USH2A: variants seen among roughly 807,000 people sequenced by gnomAD.
USH2A encodes the protein Usher syndrome 2A (autosomal recessive, mild).
USH2A carries 443 observed loss-of-function variants against 538.9 expected under a neutral mutation model. The ratio of observed to expected loss-of-function variants is 0.82; its 90% CI spans 0.76 to 0.89. The LOEUF (loss-of-function observed/expected upper bound fraction) is 0.89. Among genes scored for constraint, USH2A ranks in the 40% least tolerant of loss-of-function variants. The probability of loss-of-function intolerance (pLI) is 0.00; values close to 1 mark genes in which losing one functional copy is unlikely to be tolerated. For missense variants in USH2A, 6,633 were observed against 6,324.8 expected, an observed-to-expected ratio of 1.05 and a Z score of -1.65; for synonymous variants, 2,413 against 2,273.5, an observed-to-expected ratio of 1.06 and a Z score of -1.75.
intron 61 of USH2A, among the ~76,000 whole-genome samples, chr1:215,716,882 G>A (rs1191859009): frequency 6.6e-6 from 1 of 152,128 alleles, no homozygotes; most frequent in Non-Finnish European, 1.5e-5. Context: ...GTCAGATTTT[G>A]TTACTCTTTG....
At chr1:216,331,906 T>C (rs1454370896) in intron 4 of USH2A, among the ~76,000 whole-genome samples, 1 of 152,124 alleles carries the variant, frequency 6.6e-6, no homozygotes, top group Non-Finnish European at 1.5e-5. Context: ...ATGGGAACAC[T>C]GGCAAAGAAT....
At chr1:215,935,276 A>T in intron 37 of USH2A, among the ~76,000 whole-genome samples, 1 of 151,944 alleles carries the variant, frequency 6.6e-6, no homozygotes. Flanking sequence ...TATTTGTCAG[A>T]TATTGTATAT....
At chr1:215,640,146 G>A (rs1571923269) in intron 68 of USH2A, among the ~76,000 whole-genome samples, 1 of 152,166 alleles carries the variant, frequency 6.6e-6, no homozygotes, top group Non-Finnish European at 1.5e-5. Flanking sequence ...CTCATGAGTT[G>A]GAGATAGTTA....
chr1:215,743,412 G>GTCTATA, intron 58 of USH2A, 77 bp from the exon 59 acceptor site: 2 of 433,596 alleles, frequency 4.6e-6, no homozygotes, highest in African/African-American at 2.7e-5. Context: ...GTGTGTGTGT[G>GTCTATA]TGTGTATATA....
chr1:215,881,302 G>A (rs960043223), intron 41 of USH2A, among the ~76,000 whole-genome samples: 12 of 152,006 alleles, frequency 7.9e-5, no homozygotes, highest in East Asian at 1.9e-4. Flanking sequence ...TACCACACCC[G>A]GCTAATTTTT....
intron 21 of USH2A, among the ~76,000 whole-genome samples, chr1:216,102,477 C>T (rs1374311876): frequency 6.6e-6 from 1 of 151,838 alleles, no homozygotes; most frequent in Non-Finnish European, 1.5e-5. Context: ...AGCGTACAAC[C>T]TCTTTTAAAA....
chr1:215,813,733 C>T lies in USH2A; in HGVS notation c.9739+3G>A. On this transcript the variant is annotated splice_donor_region_variant and intron_variant, in intron 49 of 71. Transcript: ENST00000307340. Reference sequence around the variant, plus strand: ...TTTGAGTACACCTGGAAATAACCCTCACCTGGTAGAATTCTAGCGTAATAC... The same window carrying T: ...TTTGAGTACACCTGGAAATAACCCTTACCTGGTAGAATTCTAGCGTAATAC... 1 of 1,613,760 alleles carries T rather than the reference C, an allele frequency of 6.2e-7. No individual in the cohort carries two copies. Among genetic ancestry groups the T allele is most frequent in the Non-Finnish European group, 8.5e-7 (1 of 1,179,792 alleles).
chr1:215,843,357 T>A (rs937498062), intron 46 of USH2A, among the ~76,000 whole-genome samples: 1 of 152,210 alleles, frequency 6.6e-6, no homozygotes, highest in African/African-American at 2.4e-5. Context: ...GATTTTTTTT[T>A]ATCACTCATT....
chr1:216,092,018 T>A (rs1249197708), intron 22 of USH2A, among the ~76,000 whole-genome samples: 1 of 152,220 alleles, frequency 6.6e-6, no homozygotes, highest in East Asian at 1.9e-4. Context: ...ACAGCAAGAC[T>A]TTTTCTCTAA....
In USH2A at chr1:216,150,819, T is replaced by TC. The variant is rs539633644; in HGVS notation, c.4627+24432dup. On this transcript the variant is annotated intron_variant, in intron 21 of 71. Coordinates refer to ENST00000307340, the MANE Select transcript of USH2A (RefSeq NM_206933.4). ...TCTCTCGGCAAAGACCCACTGGAAT[T>TC]CCCCTGGGTAACCTTTCACCTTCTC... 9.1e-3 allele frequency among the ~76,000 whole-genome samples: 1,389 copies of TC among 152,246 alleles called. 22 individuals carry two copies. Among genetic ancestry groups the TC allele is most frequent in the African/African-American group, 0.03 (1,245 of 41,528 alleles).
At chr1:215,812,213 C>T (rs376136017) in intron 49 of USH2A, among the ~76,000 whole-genome samples, 3 of 151,704 alleles carry the variant, frequency 2.0e-5, no homozygotes, top group Admixed American at 6.6e-5. Flanking sequence ...CTTGATCTCC[C>T]GACTTCAGGT....
intron 43 of USH2A, among the ~76,000 whole-genome samples, chr1:215,868,175 T>C (rs1664530679): frequency 6.6e-6 from 1 of 152,194 alleles, no homozygotes; most frequent in African/African-American, 2.4e-5. Flanking sequence ...TGTCTCAATA[T>C]GTCACAATCT....
chr1:216,268,351 A>G (rs1016932142), intron 11 of USH2A, among the ~76,000 whole-genome samples: 1 of 152,108 alleles, frequency 6.6e-6, no homozygotes, highest in African/African-American at 2.4e-5. Flanking sequence ...ATTTATCAAT[A>G]AAATGAGCAT....
chr1:215,993,152 C>CA lies in USH2A; in HGVS notation c.6672dup (p.Gly2225TrpfsTer6), dbSNP rs1284826852. 1.9e-6 allele frequency: 3 copies of CA among 1,613,940 alleles called. No individual in the cohort carries two copies. The African/African-American group carries it at 4.0e-5, about 22-fold the overall frequency. ...TCACTGGCCTCACTCACTGTGCACCCACCACCTGTGCAAGCCTAAACAGAG... is the reference window on the plus strand; with the variant it reads ...TCACTGGCCTCACTCACTGTGCACCCAACCACCTGTGCAAGCCTAAACAGAG... On this transcript the variant is annotated frameshift_variant, in exon 35 of 72. Coordinates refer to ENST00000307340, the MANE Select transcript of USH2A (RefSeq NM_206933.4). LOFTEE classifies it high-confidence loss of function.
chr1:215,753,162 C>A (rs1660677346), intron 58 of USH2A, among the ~76,000 whole-genome samples: 1 of 152,046 alleles, frequency 6.6e-6, no homozygotes, highest in African/African-American at 2.4e-5. Context: ...CAGGAAACAA[C>A]AGGTGCTGGA....
chr1:216,402,099 C>G (rs1446322764), intron 3 of USH2A, among the ~76,000 whole-genome samples: 3 of 152,154 alleles, frequency 2.0e-5, no homozygotes, highest in East Asian at 3.9e-4. Flanking sequence ...ACAAAACAAA[C>G]TATACACATT....
At chr1:216,189,596 T>C (rs899727277) in intron 20 of USH2A, among the ~76,000 whole-genome samples, 1 of 152,020 alleles carries the variant, frequency 6.6e-6, no homozygotes, top group African/African-American at 2.4e-5. Flanking sequence ...CCATTTCTAC[T>C]CAGATTATAC....
In USH2A at chr1:216,070,089, G is replaced by A; in HGVS notation, c.6049+12C>T. ...GTTAATAGGGTCTACTCTGTTAAAG[G>A]ATTGCATTTACCTGTGAGGTTGCTT... On this transcript the variant is annotated intron_variant, in intron 30 of 71. Transcript: ENST00000307340. The A allele has an allele frequency of 1.2e-6, 2 of 1,613,640 alleles. No individual in the cohort carries two copies. Among genetic ancestry groups the A allele is most frequent in the Non-Finnish European group, 1.7e-6 (2 of 1,179,720 alleles).
chr1:215,694,383 C>T (rs1658726906), intron 61 of USH2A, among the ~76,000 whole-genome samples: 1 of 152,190 alleles, frequency 6.6e-6, no homozygotes, highest in Admixed American at 6.5e-5. Context: ...ACCATCCCGG[C>T]TAACACTGTG....
Sources: gnomAD v4.1 joint callset for allele counts (sites outside exome capture counted in the v4.1 genomes callset) on GRCh38, gnomAD v4.1.1 for gene constraint, MANE v1.5 for transcripts, NCBI Gene and HGNC (gene_info 2026-07-23, HGNC 2026-07-21) for gene names.